The following DENND10 variants were observed in gnomAD, a reference collection of about 807,000 sequenced individuals.
DENND10 encodes DENN domain-containing protein 10.
In DENND10, 24 loss-of-function variants were observed where a neutral mutation model predicts 43.6. The ratio of observed to expected loss-of-function variants is 0.55; its 90% CI spans 0.40 to 0.77. DENND10 has a LOEUF of 0.77. Among genes scored for constraint, DENND10 ranks in the 30% least tolerant of loss-of-function variants. The pLI is 0.00. For synonymous variants in DENND10, 125 were observed against 157.6 expected, an observed-to-expected ratio of 0.79 and a Z score of 1.55; for missense variants, 303 against 429.9, an observed-to-expected ratio of 0.70 and a Z score of 2.61.
intron 3 of DENND10, among the ~76,000 whole-genome samples, chr10:119,113,434 G>A (rs528764449): frequency 2.0e-5 from 3 of 151,788 alleles, no homozygotes; most frequent in Non-Finnish European, 2.9e-5. Flanking sequence ...CTGGGGTCAA[G>A]TGATCCTCTG....
At chr10:119,115,554 ATT>A (rs58486542) in intron 3 of DENND10, among the ~76,000 whole-genome samples, 26,112 of 77,446 alleles carry the variant, frequency 0.34, 4,947 homozygotes, top group Middle Eastern at 0.56. Flanking sequence ...CGCCCGGCTA[ATT>A]TTTTTTGTAT....
At chr10:119,135,302 C>T (rs1846276333) in intron 8 of DENND10, 2 of 152,146 alleles carry the variant, frequency 1.3e-5, no homozygotes, top group Admixed American at 6.6e-5. Context: ...TGACTGTACT[C>T]GTATGGAAAT....
At chr10:119,125,429 T>C (rs535093643) in intron 6 of DENND10, among the ~76,000 whole-genome samples, 2 of 151,774 alleles carry the variant, frequency 1.3e-5, no homozygotes, top group Non-Finnish European at 2.9e-5. Flanking sequence ...ATCAGGGTAA[T>C]TGCAGTATCC....
chr10:119,117,564 T>C lies in DENND10; in HGVS notation c.378T>C (p.Tyr126=), dbSNP rs1189978796. 8 of 1,613,992 alleles carry C rather than the reference T, an allele frequency of 5.0e-6. No individual in the cohort carries two copies. The highest frequency in any genetic ancestry group is 2.2e-5 in the East Asian group (1 of 44,886). ...GCCCAGTTAAAATGATGGAGAGTTA[T>C]ATTGCAGTTCTCACAAAGGGGATAT... is the stretch of plus-strand genomic sequence containing the variant. ...HGSPVKMMES[Y]IAVLTKGICQ... The change falls in exon 4 of 9, where the codon TAT becomes TAC. Residue 126 remains tyrosine (Y), a synonymous_variant. Coordinates refer to ENST00000361432, the MANE Select transcript of DENND10 (RefSeq NM_207009.4).
At chr10:119,116,649 T>TTTTC (rs1355967356) in intron 3 of DENND10, among the ~76,000 whole-genome samples, 11 of 125,522 alleles carry the variant, frequency 8.8e-5, no homozygotes, top group East Asian at 2.4e-4. Context: ...AAGCTTTTTC[T>TTTTC]TTTCTTTCTT....
chr10:119,114,757 ATTG>A (rs1405578558), intron 3 of DENND10: 1 of 145,960 alleles, frequency 6.9e-6, no homozygotes, highest in Non-Finnish European at 1.5e-5. Flanking sequence ...ATTACTGTGT[ATTG>A]TTTCTATTTT....
chr10:119,126,499 C>CT (rs1298344982), intron 6 of DENND10, among the ~76,000 whole-genome samples: 1 of 152,120 alleles, frequency 6.6e-6, no homozygotes, highest in East Asian at 1.9e-4. Flanking sequence ...GAGTCTCCCT[C>CT]TGTTGTCCAG....
Position 119,104,189 on chromosome 10 carries a change from G to C in DENND10, c.47G>C (p.Gly16Ala), listed in dbSNP as rs1248843593. 1.3e-6 allele frequency: 2 copies of C among 1,524,030 alleles called. No homozygotes were observed. The highest frequency in any genetic ancestry group is 2.2e-5 in the Admixed American group (1 of 45,520). The allele number at this position is 1,524,030 out of a possible 1,614,324, so 94.4% of individuals were successfully genotyped here. A position where few individuals can be genotyped will look rare whatever the true frequency, so the allele number is the denominator to read the frequency against. Residue 16 changes from glycine to alanine, a missense_variant, in exon 1 of 9, where the codon GGG becomes GCG. By Grantham distance (60) the Gly-to-Ala change is moderately conservative. Transcript: ENST00000361432. ...VADTQLMLGV[G>A]LIEKDTNGEV... ...GACACTCAGCTGATGCTTGGAGTCG[G>C]GCTGATCGGTGAGGACGTAGGCGCC...
At chr10:119,129,643 T>A in intron 7 of DENND10, 21 bp downstream of exon 7, 1 of 1,526,520 alleles carries the variant, frequency 6.6e-7, no homozygotes, top group Non-Finnish European at 9.1e-7. Flanking sequence ...TGTTCTGTTC[T>A]TGATACAAGA....
intron 3 of DENND10, among the ~76,000 whole-genome samples, chr10:119,112,493 C>CTTTTTTTTTTTTT (rs1353576739): frequency 1.3e-4 from 17 of 133,482 alleles, no homozygotes; most frequent in South Asian, 2.4e-4. Context: ...TTTTCTTTTT[C>CTTTTTTTTTTTTT]TTTTTTTTTT....
chr10:119,108,220 C>T lies in DENND10; in HGVS notation c.252+56C>T, dbSNP rs2133455214. ...CCAAAATAGGCTGGGCGCGGTGGCTCATGCCTGTAATCCCAGCACTTTGGG... is the reference window on the plus strand; with the variant it reads ...CCAAAATAGGCTGGGCGCGGTGGCTTATGCCTGTAATCCCAGCACTTTGGG... On this transcript the variant is annotated intron_variant, in intron 2 of 8. Transcript: ENST00000361432. 3 of 1,285,566 alleles carry T rather than the reference C, an allele frequency of 2.3e-6. No individual in the cohort carries two copies. The South Asian group carries it at 3.7e-5, about 16-fold the overall frequency. 79.6% of individuals were successfully genotyped at this position (1,285,566 alleles called of 1,614,324 possible). A position where few individuals can be genotyped will look rare whatever the true frequency, so the allele number is the denominator to read the frequency against.
intron 5 of DENND10, 148 bp from the exon 6 acceptor site, chr10:119,123,321 G>A (rs1845662470): frequency 1.5e-5 from 9 of 587,638 alleles, no homozygotes; most frequent in Non-Finnish European, 2.1e-5. Context: ...CCAGAGGTTA[G>A]CACATTTGGG....
At chr10:119,108,950 C>CA (rs35967639) in intron 2 of DENND10, among the ~76,000 whole-genome samples, 138,080 of 152,026 alleles carry the variant, frequency 0.91, 63,928 homozygotes, top group Non-Finnish European at 0.99. Context: ...CGTGTTGGCT[C>CA]ACGCCAGTAA....
At chr10:119,124,018 C>T (rs1845710707) in intron 6 of DENND10, among the ~76,000 whole-genome samples, 1 of 150,772 alleles carries the variant, frequency 6.6e-6, no homozygotes, top group Non-Finnish European at 1.5e-5. Context: ...ATGGAGAAAC[C>T]CCGTCTCTAC....
At chr10:119,105,530 A>G (rs747611756) in intron 1 of DENND10, 1 of 1,158,018 alleles carries the variant, frequency 8.6e-7, no homozygotes. Flanking sequence ...TGTGATTTTC[A>G]AACTGCTTCA....
chr10:119,119,107 G>A (rs765703230), intron 4 of DENND10, among the ~76,000 whole-genome samples: 25 of 150,036 alleles, frequency 1.7e-4, no homozygotes, highest in Non-Finnish European at 3.4e-4. Context: ...TCCGCCTCCT[G>A]GGTTCAAGTG....
intron 6 of DENND10, 126 bp from the exon 7 acceptor site, chr10:119,129,389 A>T (rs1244517951): frequency 4.6e-6 from 3 of 659,114 alleles, no homozygotes; most frequent in African/African-American, 3.6e-5. Flanking sequence ...CACAGGGTAC[A>T]GCTAATGTTC....
chr10:119,129,951 T>C (rs988306994), intron 7 of DENND10, among the ~76,000 whole-genome samples: 3 of 152,216 alleles, frequency 2.0e-5, no homozygotes, highest in Non-Finnish European at 4.4e-5. Flanking sequence ...TTTTGAAATG[T>C]TTCTGAGTCA....
intron 6 of DENND10, among the ~76,000 whole-genome samples, chr10:119,128,786 G>A (rs951772408): frequency 6.6e-6 from 1 of 152,114 alleles, no homozygotes; most frequent in Non-Finnish European, 1.5e-5. Context: ...GCTGGAGCAG[G>A]AGAAAGGTGG....
Sources: gnomAD v4.1 joint callset for allele counts (sites outside exome capture counted in the v4.1 genomes callset) on GRCh38, gnomAD v4.1.1 for gene constraint, MANE v1.5 for transcripts, NCBI Gene and HGNC (gene_info 2026-07-23, HGNC 2026-07-21) for gene names.